Variants in ZNF735 observed in about 807,000 individuals in gnomAD.
ZNF735 encodes the protein zinc finger protein 735.
ZNF735 carries 11 observed loss-of-function variants against 13.4 expected under a neutral mutation model. The observed-to-expected ratio is 0.82, with a 90% CI of 0.52 to 1.36. The LOEUF is 1.36. Among genes scored for constraint, ZNF735 ranks in the 40% most tolerant of loss-of-function variants. ZNF735 has a pLI of 0.00. For synonymous variants in ZNF735, 171 were observed against 162.6 expected, an observed-to-expected ratio of 1.05 and a Z score of -0.39; for missense variants, 500 against 484.6, an observed-to-expected ratio of 1.03 and a Z score of -0.30.
At chr7:64,210,209 G>A (rs1358278594) in intron 1 of ZNF735, among the ~76,000 whole-genome samples, 1 of 152,172 alleles carries the variant, frequency 6.6e-6, no homozygotes, top group Admixed American at 6.5e-5. Context: ...ATTAGTACAT[G>A]TGTGCAGGTT....
At chr7:64,211,488 A>G (rs1381480483) in intron 1 of ZNF735, among the ~76,000 whole-genome samples, 2 of 152,170 alleles carry the variant, frequency 1.3e-5, no homozygotes, top group Admixed American at 1.3e-4. Context: ...CTAAACAAAG[A>G]CTACTTAAAA....
At chr7:64,210,557 T>C (rs1350281876) in intron 1 of ZNF735, among the ~76,000 whole-genome samples, 2 of 152,192 alleles carry the variant, frequency 1.3e-5, no homozygotes, top group Non-Finnish European at 2.9e-5. Context: ...GGGTTCAAGA[T>C]ACATTCAGGA....
chr7:64,216,308 A>AT (rs1317375829), intron 3 of ZNF735, among the ~76,000 whole-genome samples: 6 of 151,754 alleles, frequency 4.0e-5, no homozygotes, highest in Non-Finnish European at 8.8e-5. Flanking sequence ...AAAAAAAAAA[A>AT]TTTAAACAAT....
intron 1 of ZNF735, among the ~76,000 whole-genome samples, chr7:64,210,530 T>G (rs1403682006): frequency 5.3e-5 from 8 of 152,168 alleles, no homozygotes; most frequent in Non-Finnish European, 8.8e-5. Context: ...GATTACCAAG[T>G]GATTTATAAA....
chr7:64,211,293 A>G (rs1452508158), intron 1 of ZNF735, among the ~76,000 whole-genome samples: 2 of 152,170 alleles, frequency 1.3e-5, no homozygotes, highest in African/African-American at 2.4e-5. Flanking sequence ...CAAGATTTCT[A>G]TTGAGGAAAC....
chr7:64,219,332 A>C (rs1356060199), exon 4 of ZNF735: 2 of 1,612,936 alleles, frequency 1.2e-6, no homozygotes, highest in East Asian at 2.2e-5. Context: ...TCTCATTTCA[A>C]CCAAGACCTT....
chr7:64,213,033 C>T (rs1787378173), intron 1 of ZNF735, 59 bp from the exon 2 acceptor site: 6 of 1,522,686 alleles, frequency 3.9e-6, no homozygotes, highest in African/African-American at 1.4e-5. Context: ...AAATAAAAAT[C>T]TCTGCTTACG....
At chr7:64,217,636 A>G (rs991181732) in intron 3 of ZNF735, among the ~76,000 whole-genome samples, 1 of 152,204 alleles carries the variant, frequency 6.6e-6, no homozygotes, top group African/African-American at 2.4e-5. Context: ...ATAGATAGAC[A>G]TAATAGTTAC....
At position 64,212,814 on chromosome 7, in the gene ZNF735, AAAG is replaced by A. The variant is rs1049769329; in HGVS notation, c.40-274_40-272del. ...AAGAAAAAAAAAAAAAGAAAAGAAA[AAAG>A]AAGGACAAGTCCATGTTGATGCCCT... On this transcript the variant is annotated intron_variant, in intron 1 of 3. Coordinates refer to ENST00000429565, the Ensembl canonical transcript of ZNF735. Among the ~76,000 whole-genome samples the A allele has an allele frequency of 7.9e-5, 12 of 152,074 alleles. No individual in the cohort carries two copies. In the South Asian group the frequency reaches 8.3e-4, roughly 11 times the overall value.
intron 2 of ZNF735, among the ~76,000 whole-genome samples, chr7:64,213,582 G>A (rs1787385584): frequency 6.6e-6 from 1 of 152,106 alleles, no homozygotes; most frequent in South Asian, 2.1e-4. Context: ...AGAAAGTTCT[G>A]TTACAAATAA....
chr7:64,214,253 TTTTA>T (rs1418243738), intron 3 of ZNF735, 145 bp downstream of exon 3: 1 of 941,608 alleles, frequency 1.1e-6, no homozygotes, highest in Non-Finnish European at 1.5e-6. Flanking sequence ...TTTTTATTTT[TTTTA>T]TTTTTTTGCT....
intron 3 of ZNF735, among the ~76,000 whole-genome samples, chr7:64,217,439 T>G (rs1787435511): frequency 6.6e-6 from 1 of 152,174 alleles, no homozygotes; most frequent in Admixed American, 6.5e-5. Flanking sequence ...AATGAATTCA[T>G]ATACAATACA....
In ZNF735 at chr7:64,219,912, CA is replaced by C; in HGVS notation, c.863del (p.Lys288ArgfsTer58). 6.2e-7 allele frequency: 1 copy of C among 1,611,944 alleles called. No individual in the cohort carries two copies. Among genetic ancestry groups the C allele is most frequent in the Non-Finnish European group, 8.5e-7 (1 of 1,179,450 alleles). On this transcript the variant is annotated frameshift_variant, in exon 4 of 4. Transcript: ENST00000429565. LOFTEE classifies it low-confidence loss of function (END_TRUNC). ...GGCGCTCCTCAACACTTACTAACCA[CA>C]AGAGAATTCATACTGGAGAGAGACC...
At chr7:64,207,390 C>T (rs1055747026) in intron 1 of ZNF735, 149 bp downstream of exon 1, 52 of 1,482,518 alleles carry the variant, frequency 3.5e-5, no homozygotes, top group Admixed American at 5.6e-5. Flanking sequence ...TGTTAGCCCC[C>T]TCCAGCCCTA....
At chr7:64,217,001 T>A (rs931630749) in intron 3 of ZNF735, among the ~76,000 whole-genome samples, 11 of 152,218 alleles carry the variant, frequency 7.2e-5, no homozygotes, top group African/African-American at 2.7e-4. Context: ...ACTGGAGAGT[T>A]CTGTACATGT....
exon 4 of ZNF735, chr7:64,220,129 A>G (rs758130694): frequency 1.2e-6 from 2 of 1,613,698 alleles, no homozygotes; most frequent in South Asian, 2.2e-5. Context: ...AGAATGTGGC[A>G]GAACCTTTAA....
exon 4 of ZNF735, chr7:64,219,982 G>T: frequency 6.2e-7 from 1 of 1,608,804 alleles, no homozygotes; most frequent in Non-Finnish European, 8.5e-7. Flanking sequence ...CGTATCCTCA[G>T]CCCTCATTTA....
intron 3 of ZNF735, among the ~76,000 whole-genome samples, chr7:64,218,550 G>A (rs548060009): frequency 5.1e-4 from 77 of 151,492 alleles, no homozygotes; most frequent in African/African-American, 1.8e-3. Context: ...TTTATCTGAT[G>A]TCTGGTTTTC....
At chr7:64,212,042 T>C (rs117029919) in intron 1 of ZNF735, among the ~76,000 whole-genome samples, 1 of 152,096 alleles carries the variant, frequency 6.6e-6, no homozygotes, top group African/African-American at 2.4e-5. Context: ...TTTATTCACT[T>C]GGTTCAAGAT....
Sources: allele counts gnomAD v4.1 joint callset (sites outside exome capture counted in the v4.1 genomes callset), GRCh38; gene constraint gnomAD v4.1.1; transcripts MANE v1.5; gene names NCBI Gene and HGNC (gene_info 2026-07-23, HGNC 2026-07-21).